Variants in CAPN8 observed in about 807,000 individuals in gnomAD.
CAPN8 encodes calpain-8.
In CAPN8, 87 loss-of-function variants were observed where a neutral mutation model predicts 80.9. The ratio of observed to expected loss-of-function variants is 1.07; its 90% CI spans 0.90 to 1.28. The LOEUF (loss-of-function observed/expected upper bound fraction) is 1.28. CAPN8 is among the 50% of genes most tolerant of loss of function. The pLI, the probability that CAPN8 is intolerant of heterozygous loss-of-function variation, is 0.00. For missense variants in CAPN8, 757 were observed against 702.0 expected (o/e 1.08, Z -0.89); for synonymous variants, 299 against 273.8 (o/e 1.09, Z -0.91).
chr1:223,655,734 C>T (rs1034457051), intron 1 of CAPN8, among the ~76,000 whole-genome samples: 2 of 152,060 alleles, frequency 1.3e-5, no homozygotes, highest in African/African-American at 4.8e-5. Context: ...GGAGATGATG[C>T]CTGTCCATTA....
Position 223,663,316 on chromosome 1 carries a change from G to A in CAPN8, c.237+2094C>T, listed in dbSNP as rs149488434. 2.0e-5 allele frequency among the ~76,000 whole-genome samples: 3 copies of A among 152,184 alleles called. No individual in the cohort carries two copies. In the East Asian group the frequency reaches 5.8e-4, roughly 29 times the overall value. ...AAAGGTTAACTGATACCTGACTTTGGTCTCTAAAGGAAAATTTTCTCCCCC... is the reference window on the plus strand; with the variant it reads ...AAAGGTTAACTGATACCTGACTTTGATCTCTAAAGGAAAATTTTCTCCCCC... On this transcript the variant is annotated intron_variant, in intron 1 of 20. Coordinates refer to ENST00000366872, the MANE Select transcript of CAPN8 (RefSeq NM_001143962.2).
Position 223,638,644 on chromosome 1 carries a change from G to C in CAPN8, c.308-9864C>G, listed in dbSNP as rs190154420. Among the ~76,000 whole-genome samples, 12 of 152,224 alleles carry C rather than the reference G, an allele frequency of 7.9e-5. No individual in the cohort carries two copies. In the East Asian group the frequency reaches 2.3e-3, roughly 29 times the overall value. On this transcript the variant is annotated intron_variant, in intron 2 of 20. Transcript: ENST00000366872. ...AGGACCTTCAGTGCCTCCGGGAATC[G>C]TAGGCAGGGGCTTCTGCTGACACCC...
At chr1:223,550,617 T>C (rs1656757225) in intron 15 of CAPN8, among the ~76,000 whole-genome samples, 1 of 152,176 alleles carries the variant, frequency 6.6e-6, no homozygotes, top group Non-Finnish European at 1.5e-5. Context: ...AGTATCCAAG[T>C]TATTAATTTT....
At chr1:223,628,188 T>A in intron 3 of CAPN8, 46 bp from the exon 4 acceptor site, 1 of 1,504,798 alleles carries the variant, frequency 6.6e-7, no homozygotes, top group Non-Finnish European at 8.9e-7. Context: ...TAAGCAGATG[T>A]GTAAAGGGAG....
At chr1:223,636,901 T>TA (rs1268310152) in intron 2 of CAPN8, among the ~76,000 whole-genome samples, 1 of 152,258 alleles carries the variant, frequency 6.6e-6, no homozygotes, top group Non-Finnish European at 1.5e-5. Context: ...CTATCACTAG[T>TA]AAAGCTTTCT....
intron 20 of CAPN8, among the ~76,000 whole-genome samples, chr1:223,542,537 C>G (rs1311350054): frequency 6.6e-6 from 1 of 152,166 alleles, no homozygotes; most frequent in Non-Finnish European, 1.5e-5. Context: ...GCCTCAGAAT[C>G]AAGTCAAAGG....
intron 6 of CAPN8, among the ~76,000 whole-genome samples, chr1:223,623,703 G>T (rs1209920469): frequency 6.6e-6 from 1 of 152,102 alleles, no homozygotes; most frequent in Non-Finnish European, 1.5e-5. Flanking sequence ...CTTCATTAAA[G>T]AGCATATTTG....
At chr1:223,662,533 TG>T (rs1330902380) in intron 1 of CAPN8, among the ~76,000 whole-genome samples, 1 of 152,098 alleles carries the variant, frequency 6.6e-6, no homozygotes, top group Non-Finnish European at 1.5e-5. Flanking sequence ...AGTTTTTAAA[TG>T]TGTATTTAGT....
chr1:223,654,026 T>C (rs1252689271), intron 2 of CAPN8, among the ~76,000 whole-genome samples: 1 of 152,184 alleles, frequency 6.6e-6, no homozygotes, highest in Non-Finnish European at 1.5e-5. Flanking sequence ...AAACACAGTA[T>C]AGCACAGATA....
At chr1:223,545,736 C>T (rs1656602607) in intron 16 of CAPN8, among the ~76,000 whole-genome samples, 2 of 151,376 alleles carry the variant, frequency 1.3e-5, no homozygotes, top group Admixed American at 6.6e-5. Context: ...GTCTAAGCCA[C>T]AGAATCTGCT....
chr1:223,656,680 TG>T (rs1553340189), intron 1 of CAPN8, among the ~76,000 whole-genome samples: 12,325 of 50,650 alleles, frequency 0.24, 1,696 homozygotes, highest in Non-Finnish European at 0.32. Context: ...TTTTTTGTTT[TG>T]TTTTTTTTTT....
intron 6 of CAPN8, among the ~76,000 whole-genome samples, chr1:223,624,954 G>A (rs572138238): frequency 3.7e-4 from 56 of 151,686 alleles, no homozygotes; most frequent in African/African-American, 1.1e-3. Context: ...TTAGCTGGGC[G>A]TGGTGGCGGG....
intron 18 of CAPN8, 92 bp from the exon 19 acceptor site, chr1:223,544,275 C>T (rs1169057269): frequency 1.5e-6 from 1 of 672,810 alleles, no homozygotes; most frequent in East Asian, 2.7e-5. Flanking sequence ...CCAGGGGCCC[C>T]TCTGTGGTTC....
intron 2 of CAPN8, among the ~76,000 whole-genome samples, chr1:223,650,617 G>A (rs1658321245): frequency 6.6e-6 from 1 of 152,226 alleles, no homozygotes; most frequent in Admixed American, 6.5e-5. Context: ...CAACAGAGAA[G>A]AGAGATGGGC....
Position 223,628,717 on chromosome 1 carries a change from A to G in CAPN8, c.371T>C (p.Val124Ala). The G allele has an allele frequency of 6.4e-7, 1 of 1,552,030 alleles. No individual in the cohort carries two copies. The highest frequency in any genetic ancestry group is 8.7e-7 in the Non-Finnish European group (1 of 1,147,180). Residue 124 changes from valine (V) to alanine (A), a missense_variant, in exon 3 of 21, where the codon GTG (valine) becomes GCG (alanine). Transcript: ENST00000366872. ...CTGGAAGTCCTGGTCCCTGGGGACC[A>G]CCCGGTAAAGCAGCTCTTCATTCAG... is the stretch of plus-strand genomic sequence containing the variant. ...LTLNEELLYR[V>A]VPRDQDFQEN...
chr1:223,650,121 A>T (rs10737417), intron 2 of CAPN8, among the ~76,000 whole-genome samples: 32,944 of 152,068 alleles, frequency 0.22, 3,645 homozygotes, highest in South Asian at 0.27. Context: ...GCCCTTGGCA[A>T]AGGCATTTCC....
In CAPN8 at chr1:223,619,455, T is replaced by C; in HGVS notation, c.975-2A>G. ...CTCACGAAATCTGAAAGTGACATCC[T>C]GGGGCAGAGGCACCAGAGGGCTCTC... is the stretch of plus-strand genomic sequence containing the variant. On this transcript the variant is annotated splice_acceptor_variant, in intron 8 of 20. Transcript: ENST00000366872. LOFTEE classifies it high-confidence loss of function. 1 of 1,551,444 alleles carries C rather than the reference T, an allele frequency of 6.4e-7. No individual in the cohort carries two copies. The highest frequency in any genetic ancestry group is 8.7e-7 in the Non-Finnish European group (1 of 1,146,942).
chr1:223,622,169 C>T (rs562782093), intron 7 of CAPN8, among the ~76,000 whole-genome samples: 2 of 152,316 alleles, frequency 1.3e-5, no homozygotes, highest in South Asian at 4.1e-4. Context: ...GCTGTGCTCA[C>T]TGGACAGAAA....
Position 223,550,730 on chromosome 1 carries a change from TGGCTGCTTGCCA to T in CAPN8, c.1699+218_1699+229del, listed in dbSNP as rs139868535. On this transcript the variant is annotated intron_variant, in intron 15 of 20. Coordinates refer to ENST00000366872, the MANE Select transcript of CAPN8 (RefSeq NM_001143962.2). ...TATGGAGCTTTGTTCCTTCAGGTGC[TGGCTGCTTGCCA>T]GCACCAGCCCCGCCTTCACCTCCAC... 9.6e-3 allele frequency among the ~76,000 whole-genome samples: 1,465 copies of T among 152,290 alleles called. 89 individuals are homozygous for T. In the East Asian group the frequency reaches 0.15, roughly 16 times the overall value.
Sources: allele counts gnomAD v4.1 joint callset (sites outside exome capture counted in the v4.1 genomes callset), GRCh38; gene constraint gnomAD v4.1.1; transcripts MANE v1.5; gene names NCBI Gene and HGNC (gene_info 2026-07-23, HGNC 2026-07-21).